PSMD1: variants seen among roughly 807,000 people sequenced by gnomAD.
PSMD1 encodes proteasome 26S subunit, non-ATPase 1.
In PSMD1, 18 loss-of-function variants were observed where a neutral mutation model predicts 119.0. That is an observed-to-expected ratio of 0.15 (90% CI 0.10 to 0.22). PSMD1 has a LOEUF of 0.22. Ranked by LOEUF, PSMD1 falls within the 10% of genes least tolerant of loss-of-function variation. PSMD1 has a pLI of 1.00. For synonymous variants in PSMD1, 374 were observed against 396.6 expected, an observed-to-expected ratio of 0.94 and a Z score of 0.68; for missense variants, 702 against 1,158.5, an observed-to-expected ratio of 0.61 and a Z score of 5.72.
chr2:231,169,502 ATG>A (rs1266547119), intron 23 of PSMD1, among the ~76,000 whole-genome samples: 1 of 152,182 alleles, frequency 6.6e-6, no homozygotes, highest in Non-Finnish European at 1.5e-5. Flanking sequence ...ATGTATAGAT[ATG>A]TGTGTGTCAG....
chr2:231,098,504 T>G (rs1277989797), intron 16 of PSMD1, among the ~76,000 whole-genome samples: 4 of 151,840 alleles, frequency 2.6e-5, no homozygotes, highest in African/African-American at 9.7e-5. Context: ...TGACTCCCTC[T>G]TTTTCTGTCT....
chr2:231,136,956 A>G (rs1459382489), intron 16 of PSMD1, among the ~76,000 whole-genome samples: 13 of 143,888 alleles, frequency 9.0e-5, no homozygotes, highest in Admixed American at 7.2e-4. Flanking sequence ...ATATTTACAT[A>G]TAGTATATAT....
intron 17 of PSMD1, among the ~76,000 whole-genome samples, chr2:231,145,459 T>G (rs1005190088): frequency 6.6e-6 from 1 of 152,246 alleles, no homozygotes. Flanking sequence ...CTATTGTCAC[T>G]ATAATAGACT....
chr2:231,159,285 G>A (rs141901167), intron 19 of PSMD1, among the ~76,000 whole-genome samples: 190 of 152,280 alleles, frequency 1.2e-3, no homozygotes, highest in African/African-American at 4.3e-3. Flanking sequence ...TCTAGCGCAT[G>A]GGCCAAATCT....
chr2:231,126,260 A>G (rs1401503912), intron 16 of PSMD1, among the ~76,000 whole-genome samples: 1 of 152,070 alleles, frequency 6.6e-6, no homozygotes, highest in Non-Finnish European at 1.5e-5. Flanking sequence ...AAATTAGCCA[A>G]GGGTGGTGGT....
rs1290087967 is a variant in PSMD1 at position 231,145,709 on chromosome 2, C to T, written c.1999-531C>T. 3.3e-5 allele frequency among the ~76,000 whole-genome samples: 5 copies of T among 151,804 alleles called. No individual in the cohort carries two copies. In the East Asian group the frequency reaches 9.6e-4, roughly 29 times the overall value. On this transcript the variant is annotated intron_variant, in intron 17 of 24. Coordinates refer to ENST00000308696, the MANE Select transcript of PSMD1 (RefSeq NM_002807.4). ...AGGAGGTGGAGACCAGCCTGGCCAACGTGGTGAAACCCATCTCTACTAAAA... is the reference window on the plus strand; with the variant it reads ...AGGAGGTGGAGACCAGCCTGGCCAATGTGGTGAAACCCATCTCTACTAAAA...
chr2:231,062,264 A>G lies in PSMD1; in HGVS notation c.77A>G (p.Lys26Arg). 4 of 1,612,930 alleles carry G rather than the reference A, an allele frequency of 2.5e-6. No homozygotes were observed. The highest frequency in any genetic ancestry group is 3.4e-6 in the Non-Finnish European group (4 of 1,179,054). Residue 26 changes from lysine to arginine, a missense_variant, in exon 3 of 25, where the codon AAA becomes AGA. Physicochemically the swap from Lys to Arg is conservative, Grantham distance 26 (BLOSUM62 2). This residue lies in a region of PSMD1 where 60 missense variants were observed against 118.2 expected (regional missense o/e 0.51). Transcript: ENST00000308696. The stretch of plus-strand genomic sequence containing the variant: ...CTTTTACAGGAATTTGCACTACACA[A>G]ATTGAATGCAGTTGTTAATGACTTC... ...EPQLKEFALH[K>R]LNAVVNDFWA...
intron 4 of PSMD1, among the ~76,000 whole-genome samples, chr2:231,063,198 TCTTA>T (rs1253312130): frequency 6.6e-6 from 1 of 152,248 alleles, no homozygotes; most frequent in African/African-American, 2.4e-5. Context: ...ACCGTTGTTT[TCTTA>T]CTTGTTTCCT....
chr2:231,109,164 C>G (rs1378307926), intron 16 of PSMD1: 4 of 1,614,090 alleles, frequency 2.5e-6, no homozygotes, highest in Non-Finnish European at 3.4e-6. Context: ...CTTTGGAAAA[C>G]TGTAGACACA....
At chr2:231,089,683 G>A (rs1368586040) in intron 16 of PSMD1, among the ~76,000 whole-genome samples, 1 of 152,116 alleles carries the variant, frequency 6.6e-6, no homozygotes, top group Non-Finnish European at 1.5e-5. Context: ...AGCTTAAGGA[G>A]CAAGGAGAGC....
At chr2:231,102,832 GTTA>G (rs765958378) in intron 16 of PSMD1, among the ~76,000 whole-genome samples, 16 of 152,170 alleles carry the variant, frequency 1.1e-4, no homozygotes, top group Non-Finnish European at 2.2e-4. Flanking sequence ...AAGGCTCACT[GTTA>G]TATGGATACT....
intron 16 of PSMD1, chr2:231,113,893 G>T (rs1014487231): frequency 6.2e-6 from 10 of 1,614,086 alleles, no homozygotes; most frequent in Non-Finnish European, 5.9e-6. Flanking sequence ...AAATAACCAG[G>T]CAGGACATAG....
chr2:231,079,696 A>G, intron 11 of PSMD1, 82 bp downstream of exon 11: 1 of 873,076 alleles, frequency 1.1e-6, no homozygotes, highest in Non-Finnish European at 1.7e-6. Flanking sequence ...AGTTTATTAT[A>G]ATTCATTAAC....
At chr2:231,125,259 C>G (rs776091484) in intron 16 of PSMD1, 1 of 152,160 alleles carries the variant, frequency 6.6e-6, no homozygotes, top group African/African-American at 2.4e-5. Context: ...TTTTTAAGAG[C>G]TCTCTTTAAT....
chr2:231,165,653 A>C (rs183820568), intron 22 of PSMD1, among the ~76,000 whole-genome samples: 1 of 151,952 alleles, frequency 6.6e-6, no homozygotes, highest in African/African-American at 2.4e-5. Context: ...TGGTAGAAAA[A>C]CCTTTTTAAT....
intron 16 of PSMD1, among the ~76,000 whole-genome samples, chr2:231,100,348 G>A (rs905768033): frequency 3.3e-5 from 5 of 152,208 alleles, no homozygotes; most frequent in African/African-American, 1.2e-4. Flanking sequence ...GGCCCCTGCT[G>A]CTGTGTCATT....
intron 16 of PSMD1, among the ~76,000 whole-genome samples, chr2:231,119,974 A>T (rs1257224156): frequency 1.4e-5 from 2 of 144,758 alleles, no homozygotes; most frequent in African/African-American, 2.6e-5. Flanking sequence ...TTTCCCTGAG[A>T]CAGAGCCTCA....
At chr2:231,140,278 G>A (rs905621839) in intron 17 of PSMD1, among the ~76,000 whole-genome samples, 4 of 150,138 alleles carry the variant, frequency 2.7e-5, no homozygotes, top group East Asian at 2.0e-4. Flanking sequence ...GGCAGATCAC[G>A]AGGTCAGGAG....
chr2:231,166,784 ACTTATT>A (rs1259099531), intron 23 of PSMD1, among the ~76,000 whole-genome samples: 1 of 152,182 alleles, frequency 6.6e-6, no homozygotes, highest in African/African-American at 2.4e-5. Context: ...ACAAGAGTAA[ACTTATT>A]CTTATCAACC....
Sources: allele counts gnomAD v4.1 joint callset (sites outside exome capture counted in the v4.1 genomes callset), GRCh38; gene constraint gnomAD v4.1.1; regional missense constraint gnomAD v4.1.1; transcripts MANE v1.5; gene names NCBI Gene and HGNC (gene_info 2026-07-23, HGNC 2026-07-21).